The following LRFN2 variants were observed in gnomAD, a reference collection of about 807,000 sequenced individuals.
The protein encoded by LRFN2 is leucine rich repeat and fibronectin type III domain containing 2.
Under a neutral mutation model 37.3 loss-of-function variants are expected in LRFN2, and 18 were observed. That is an observed-to-expected ratio of 0.48 (90% confidence interval 0.33 to 0.72). LRFN2 has a LOEUF of 0.72. Ranked by LOEUF, LRFN2 falls within the 30% of genes least tolerant of loss-of-function variation. The probability of loss-of-function intolerance (pLI) is 0.02; values close to 1 mark genes in which losing one functional copy is unlikely to be tolerated. For missense variants in LRFN2, 1,006 were observed against 1,060.7 expected (o/e 0.95, Z 0.72); for synonymous variants, 556 against 466.6 (o/e 1.19, Z -2.47).
rs780215909 is a variant in LRFN2 at position 40,454,827 on chromosome 6, C to T, written c.-18-21696G>A. Among the ~76,000 whole-genome samples the T allele has an allele frequency of 2.0e-5, 3 of 152,300 alleles. No homozygotes were observed. In the South Asian group the frequency reaches 6.2e-4, roughly 32 times the overall value. Reference sequence around the variant, plus strand: ...AACTTAAATATTTACCTATAGCTTACCCATATGTGAAATGCTGAGTTGCAA... The same window carrying T: ...AACTTAAATATTTACCTATAGCTTATCCATATGTGAAATGCTGAGTTGCAA... On this transcript the variant is annotated intron_variant, in intron 1 of 2. Coordinates refer to ENST00000338305, the MANE Select transcript of LRFN2 (RefSeq NM_020737.3).
chr6:40,546,758 A>G (rs1766670758), intron 1 of LRFN2, among the ~76,000 whole-genome samples: 1 of 152,208 alleles, frequency 6.6e-6, no homozygotes, highest in African/African-American at 2.4e-5. Context: ...ATGTGGCAGG[A>G]ACTAGATTTA....
chr6:40,424,808 T>C (rs527522936), intron 2 of LRFN2, among the ~76,000 whole-genome samples: 1 of 152,224 alleles, frequency 6.6e-6, no homozygotes, highest in East Asian at 1.9e-4. Context: ...CATGCCCCAC[T>C]CCCTTTAGAG....
intron 1 of LRFN2, among the ~76,000 whole-genome samples, chr6:40,446,588 C>T (rs1232787542): frequency 6.6e-5 from 10 of 152,152 alleles, no homozygotes; most frequent in South Asian, 4.1e-4. Flanking sequence ...TCATTAGCGG[C>T]GATATGTATA....
intron 1 of LRFN2, among the ~76,000 whole-genome samples, chr6:40,451,010 C>T (rs1193930682): frequency 6.6e-6 from 1 of 152,184 alleles, no homozygotes; most frequent in East Asian, 1.9e-4. Flanking sequence ...ATAAATGCAT[C>T]TCCATGGATA....
At chr6:40,562,929 C>T (rs754464770) in intron 1 of LRFN2, among the ~76,000 whole-genome samples, 1 of 151,870 alleles carries the variant, frequency 6.6e-6, no homozygotes, top group African/African-American at 2.4e-5. Context: ...TCTCAAGAGG[C>T]TGCAGGTGAA....
intron 1 of LRFN2, among the ~76,000 whole-genome samples, chr6:40,572,339 C>T (rs1767204011): frequency 6.6e-6 from 1 of 152,184 alleles, no homozygotes; most frequent in Non-Finnish European, 1.5e-5. Context: ...TCTAGATCAG[C>T]ATCAAGGGAC....
At chr6:40,486,610 C>A (rs999637929) in intron 1 of LRFN2, among the ~76,000 whole-genome samples, 5 of 152,060 alleles carry the variant, frequency 3.3e-5, no homozygotes, top group African/African-American at 2.4e-5. Context: ...ACAGAAGTGT[C>A]CCATGGTTAG....
intron 1 of LRFN2, among the ~76,000 whole-genome samples, chr6:40,564,100 C>T (rs1189246344): frequency 1.3e-5 from 2 of 151,984 alleles, no homozygotes; most frequent in Admixed American, 1.3e-4. Flanking sequence ...CCTAATTTTC[C>T]CCAAGTCATA....
intron 2 of LRFN2, among the ~76,000 whole-genome samples, chr6:40,424,414 G>A (rs141265075): frequency 1.1e-4 from 17 of 152,280 alleles, no homozygotes; most frequent in African/African-American, 2.6e-4. Flanking sequence ...CAGGTACATA[G>A]CACAGTGGAA....
At chr6:40,479,592 C>T (rs1458159057) in intron 1 of LRFN2, among the ~76,000 whole-genome samples, 1 of 152,206 alleles carries the variant, frequency 6.6e-6, no homozygotes, top group Non-Finnish European at 1.5e-5. Context: ...GCTGTGGTCC[C>T]CTTTCCTGGG....
chr6:40,417,074 A>G (rs1252701928), intron 2 of LRFN2, among the ~76,000 whole-genome samples: 5 of 152,162 alleles, frequency 3.3e-5, no homozygotes, highest in Non-Finnish European at 5.9e-5. Flanking sequence ...CTGAGGGAAG[A>G]GACTGCTGAG....
At position 40,401,681 on chromosome 6, in the gene LRFN2, GT is replaced by G. The variant is rs1762743979; in HGVS notation, c.1401-8770del. Among the ~76,000 whole-genome samples the G allele has an allele frequency of 2.0e-5, 3 of 152,180 alleles. No homozygotes were observed. In the South Asian group the frequency reaches 6.2e-4, roughly 32 times the overall value. Reference sequence around the variant, plus strand: ...TGAGTGAGAGACAGGGTGAATGTGTGTTTGTGTAAGAGGAAGACATTGGTGC... The same window carrying G: ...TGAGTGAGAGACAGGGTGAATGTGTGTTGTGTAAGAGGAAGACATTGGTGC... On this transcript the variant is annotated intron_variant, in intron 2 of 2. Coordinates refer to ENST00000338305, the MANE Select transcript of LRFN2 (RefSeq NM_020737.3).
intron 1 of LRFN2, among the ~76,000 whole-genome samples, chr6:40,569,611 G>A (rs903634445): frequency 6.6e-6 from 1 of 152,186 alleles, no homozygotes; most frequent in African/African-American, 2.4e-5. Flanking sequence ...GACATGCCAA[G>A]GAGGATTAAG....
chr6:40,579,101 G>A (rs1424591695), intron 1 of LRFN2, among the ~76,000 whole-genome samples: 1 of 152,170 alleles, frequency 6.6e-6, no homozygotes, highest in Non-Finnish European at 1.5e-5. Context: ...CAACCACTCT[G>A]CGATTGCAAG....
At chr6:40,544,073 A>G (rs904303719) in intron 1 of LRFN2, among the ~76,000 whole-genome samples, 4 of 152,240 alleles carry the variant, frequency 2.6e-5, no homozygotes, top group South Asian at 4.1e-4. Flanking sequence ...TCACCAGGGC[A>G]CAATTAGCCA....
At chr6:40,502,020 A>G (rs897202466) in intron 1 of LRFN2, among the ~76,000 whole-genome samples, 2 of 152,202 alleles carry the variant, frequency 1.3e-5, no homozygotes, top group African/African-American at 4.8e-5. Context: ...TGCTGGGGAG[A>G]CAGACAGACA....
At chr6:40,542,716 G>A (rs567674856) in intron 1 of LRFN2, among the ~76,000 whole-genome samples, 8 of 152,298 alleles carry the variant, frequency 5.3e-5, no homozygotes, top group Non-Finnish European at 1.0e-4. Flanking sequence ...TTCAACAGGA[G>A]AATTTGGCCC....
chr6:40,550,121 T>G (rs982634380), intron 1 of LRFN2, among the ~76,000 whole-genome samples: 4 of 152,160 alleles, frequency 2.6e-5, no homozygotes, highest in Admixed American at 2.0e-4. Context: ...AGGGTGCAGC[T>G]GCGGCACAGC....
chr6:40,504,606 C>G (rs1765480176), intron 1 of LRFN2, among the ~76,000 whole-genome samples: 1 of 152,102 alleles, frequency 6.6e-6, no homozygotes, highest in South Asian at 2.1e-4. Context: ...GAGCCATGGA[C>G]AGTGAAGGTC....
Sources: gnomAD v4.1 joint callset for allele counts (sites outside exome capture counted in the v4.1 genomes callset) on GRCh38, gnomAD v4.1.1 for gene constraint, MANE v1.5 for transcripts, NCBI Gene and HGNC (gene_info 2026-07-23, HGNC 2026-07-21) for gene names.